The following DLC1 variants were observed in gnomAD, a reference collection of about 807,000 sequenced individuals.
The protein encoded by DLC1 is DLC1 Rho GTPase activating protein.
In DLC1, 54 loss-of-function variants were observed where a neutral mutation model predicts 140.3. The ratio of observed to expected loss-of-function variants is 0.38; its 90% CI spans 0.31 to 0.48. DLC1 has a LOEUF of 0.48. DLC1 is among the 20% of genes least tolerant of loss of function. DLC1 has a pLI of 0.96. For synonymous variants in DLC1, 986 were observed against 728.1 expected, an observed-to-expected ratio of 1.35 and a Z score of -5.70; for missense variants, 2,536 against 1,907.0, an observed-to-expected ratio of 1.33 and a Z score of -6.14.
Position 13,099,903 on chromosome 8 carries a change from C to T in DLC1, c.2434G>A (p.Asp812Asn). The change falls in exon 9 of 18, where the codon GAT becomes AAT. Residue 812 changes from aspartate to asparagine, a missense_variant. Asp to Asn is a conservative substitution (Grantham distance 23). Transcript: ENST00000276297. Reference sequence around the variant, plus strand: ...TTGGGGAAAGTGCCAGGCTTGTGATCTTCAGGGATGTAGAACACCGTGTCC... The same window carrying T: ...TTGGGGAAAGTGCCAGGCTTGTGATTTTCAGGGATGTAGAACACCGTGTCC... The part of the protein sequence containing the change: ...PEDTVFYIPE[D>N]HKPGTFPKAL... 1 of 1,614,130 alleles carries T rather than the reference C, an allele frequency of 6.2e-7. No homozygotes were observed. Among genetic ancestry groups the T allele is most frequent in the Non-Finnish European group, 8.5e-7 (1 of 1,180,030 alleles).
intron 2 of DLC1, among the ~76,000 whole-genome samples, chr8:13,497,393 C>T (rs534385611): frequency 9.2e-5 from 14 of 152,270 alleles, no homozygotes; most frequent in African/African-American, 2.9e-4. Flanking sequence ...TATTAGAAGG[C>T]ATCCTAAATG....
intron 5 of DLC1, among the ~76,000 whole-genome samples, chr8:13,210,791 T>C (rs989075837): frequency 6.6e-6 from 1 of 152,192 alleles, no homozygotes; most frequent in African/African-American, 2.4e-5. Flanking sequence ...TTAGCCCTTA[T>C]TATCTTCAGA....
chr8:13,354,459 G>A (rs951394792), intron 4 of DLC1, among the ~76,000 whole-genome samples: 2 of 151,954 alleles, frequency 1.3e-5, no homozygotes, highest in African/African-American at 4.8e-5. Context: ...TATGTAGAGT[G>A]AATGACAAAA....
At chr8:13,538,481 A>G (rs1803371194) in intron 1 of DLC1, among the ~76,000 whole-genome samples, 1 of 152,004 alleles carries the variant, frequency 6.6e-6, no homozygotes. Flanking sequence ...ACGAGCAGAT[A>G]TGATGCCGAG....
intron 4 of DLC1, among the ~76,000 whole-genome samples, chr8:13,323,101 G>A (rs1029219562): frequency 7.2e-5 from 11 of 152,166 alleles, no homozygotes; most frequent in Admixed American, 4.6e-4. Flanking sequence ...TATGACATAG[G>A]CTCAGCTAGA....
At chr8:13,270,455 G>A (rs1178806362) in intron 5 of DLC1, among the ~76,000 whole-genome samples, 3 of 152,278 alleles carry the variant, frequency 2.0e-5, no homozygotes, top group Middle Eastern at 3.4e-3. Context: ...AGGCCTGCTG[G>A]TGCTGCTGCT....
Position 13,379,517 on chromosome 8 carries a change from G to A in DLC1, c.1314+14036C>T, listed in dbSNP as rs149760067. ...CTATTTTGTAAGTGTCGAATATCCCGTGTAATTTATTGAATACTCTATTGA... is the reference window on the plus strand; with the variant it reads ...CTATTTTGTAAGTGTCGAATATCCCATGTAATTTATTGAATACTCTATTGA... On this transcript the variant is annotated intron_variant, in intron 4 of 17. Coordinates refer to ENST00000276297, the MANE Select transcript of DLC1 (RefSeq NM_182643.3). Among the ~76,000 whole-genome samples the A allele has an allele frequency of 6.2e-3, 944 of 152,270 alleles. 3 individuals carry two copies. Among genetic ancestry groups the A allele is most frequent in the South Asian group, 0.014 (68 of 4,824 alleles).
intron 5 of DLC1, among the ~76,000 whole-genome samples, chr8:13,302,257 T>C (rs1832230741): frequency 6.6e-6 from 1 of 152,200 alleles, no homozygotes; most frequent in East Asian, 1.9e-4. Context: ...ATCCTCCAAC[T>C]AGAGTTTGAG....
At chr8:13,570,456 C>G in intron 1 of DLC1, among the ~76,000 whole-genome samples, 1 of 126,046 alleles carries the variant, frequency 7.9e-6, no homozygotes, top group Admixed American at 8.4e-5. Context: ...TCCCCCCACC[C>G]CACCACAGTC....
chr8:13,159,505 G>C (rs1433932013), intron 5 of DLC1, among the ~76,000 whole-genome samples: 1 of 152,170 alleles, frequency 6.6e-6, no homozygotes, highest in Non-Finnish European at 1.5e-5. Context: ...CCTCTCCCTT[G>C]CTGAAGGCAC....
chr8:13,371,668 T>G (rs1835735832), intron 4 of DLC1, among the ~76,000 whole-genome samples: 1 of 152,154 alleles, frequency 6.6e-6, no homozygotes, highest in South Asian at 2.1e-4. Flanking sequence ...CAATAAATAT[T>G]TTTTGAGCAC....
rs370330239 is a variant in DLC1, at chr8:13,257,086, C to T, written c.1348+48183G>A. Among the ~76,000 whole-genome samples the T allele has an allele frequency of 2.6e-5, 4 of 151,992 alleles. No individual in the cohort carries two copies. In the East Asian group the frequency reaches 7.7e-4, roughly 29 times the overall value. ...GGAAGATATGATCGAGACCAAGTTC[C>T]ACCCTAAACTTCTGTAGCACTGCAA... is the stretch of plus-strand genomic sequence containing the variant. On this transcript the variant is annotated intron_variant, in intron 5 of 17. Transcript: ENST00000276297.
At chr8:13,576,041 G>A (rs1049479911) in intron 1 of DLC1, among the ~76,000 whole-genome samples, 6 of 152,192 alleles carry the variant, frequency 3.9e-5, no homozygotes, top group African/African-American at 1.4e-4. Context: ...AAAGTGCATA[G>A]ATGGAGCCAA....
chr8:13,545,724 G>C (rs1803629570), intron 1 of DLC1, among the ~76,000 whole-genome samples: 1 of 151,866 alleles, frequency 6.6e-6, no homozygotes, highest in Non-Finnish European at 1.5e-5. Context: ...TGAACCATTT[G>C]TGCTAAGATA....
intron 5 of DLC1, among the ~76,000 whole-genome samples, chr8:13,284,096 C>G (rs113247450): frequency 3.9e-4 from 60 of 152,192 alleles, no homozygotes; most frequent in African/African-American, 1.4e-3. Context: ...TGTGTTCTTA[C>G]CAGTGAGTAT....
rs377645408 is a variant in DLC1, at chr8:13,525,912, A to G, written c.-125-25716T>C. 1.5e-4 allele frequency among the ~76,000 whole-genome samples: 23 copies of G among 152,288 alleles called. 1 individual carries two copies. In the East Asian group the frequency reaches 3.1e-3, roughly 20 times the overall value. ...GATCTCTGCCTAATCTAAGATCACAAAGATTTCTCCTACACTATATGCTAG... is the reference window on the plus strand; with the variant it reads ...GATCTCTGCCTAATCTAAGATCACAGAGATTTCTCCTACACTATATGCTAG... On this transcript the variant is annotated intron_variant, in intron 1 of 1. Coordinates refer to the DLC1 transcript ENST00000631382.
At chr8:13,258,998 G>A (rs186895166) in intron 5 of DLC1, among the ~76,000 whole-genome samples, 6 of 151,938 alleles carry the variant, frequency 3.9e-5, no homozygotes, top group Admixed American at 2.0e-4. Context: ...TTAGCCGTGC[G>A]TGGTGGCGGG....
intron 2 of DLC1, among the ~76,000 whole-genome samples, chr8:13,424,665 C>G (rs532084763): frequency 6.6e-6 from 1 of 151,872 alleles, no homozygotes; most frequent in Non-Finnish European, 1.5e-5. Flanking sequence ...CTTCACCTCC[C>G]GGGTTCATGC....
At chr8:13,579,103 C>G (rs1449786624) in intron 1 of DLC1, among the ~76,000 whole-genome samples, 1 of 150,828 alleles carries the variant, frequency 6.6e-6, no homozygotes, top group African/African-American at 2.4e-5. Flanking sequence ...CTGTGCCAGA[C>G]TCTCCTATCA....
Sources: gnomAD v4.1 joint callset for allele counts (sites outside exome capture counted in the v4.1 genomes callset) on GRCh38, gnomAD v4.1.1 for gene constraint, MANE v1.5 for transcripts, NCBI Gene and HGNC (gene_info 2026-07-23, HGNC 2026-07-21) for gene names.